Variants in SV2C observed in about 807,000 individuals in gnomAD.
The protein encoded by SV2C is solute carrier family 22 member B3.
A neutral mutation model predicts 79.7 loss-of-function variants in SV2C; 49 were observed. That is an observed-to-expected ratio of 0.61 (90% CI 0.49 to 0.78). The LOEUF is 0.78. Among genes scored for constraint, SV2C ranks in the 30% least tolerant of loss-of-function variants. The pLI is 0.00. For synonymous variants in SV2C, 334 were observed against 333.2 expected (o/e 1.00, Z -0.03); for missense variants, 833 against 912.9 (o/e 0.91, Z 1.13).
chr5:76,021,562 T>G, the SV2C span, among the ~76,000 whole-genome samples: 1 of 152,174 alleles, frequency 6.6e-6, no homozygotes, highest in African/African-American at 2.4e-5. Context: ...TCACTCATAG[T>G]AAGGGCCAAA....
In SV2C at chr5:76,145,233, A is replaced by G. The variant is rs559222211; in HGVS notation, c.580+12903A>G. On this transcript the variant is annotated intron_variant, in intron 2 of 12. Transcript: ENST00000502798. ...TACTTTGTGAGGTTAGGGAGGTAAGATGTTAAAGTCAGATGCTGCTCTACT... is the reference window on the plus strand; with the variant it reads ...TACTTTGTGAGGTTAGGGAGGTAAGGTGTTAAAGTCAGATGCTGCTCTACT... Among the ~76,000 whole-genome samples the G allele has an allele frequency of 1.7e-4, 26 of 152,336 alleles. No homozygotes were observed. The South Asian group carries it at 5.2e-3, about 30-fold the overall frequency.
At chr5:76,347,124 G>GCAGCA (rs57651775) in intron 12 of SV2C, among the ~76,000 whole-genome samples, 79,163 of 151,724 alleles carry the variant, frequency 0.52, 22,707 homozygotes, top group African/African-American at 0.76. Context: ...GAGCTGTGAT[G>GCAGCA]GAGGCCTCAG....
chr5:76,294,199 G>GA (rs1747660575), intron 8 of SV2C, among the ~76,000 whole-genome samples: 1 of 151,958 alleles, frequency 6.6e-6, no homozygotes, highest in African/African-American at 2.4e-5. Context: ...GTGAACCACA[G>GA]ATGTCATTTC....
chr5:76,080,198 A>G (rs993778193), upstream of SV2C, among the ~76,000 whole-genome samples: 3 of 152,162 alleles, frequency 2.0e-5, no homozygotes, highest in Non-Finnish European at 4.4e-5. Flanking sequence ...GGTGCTTATA[A>G]GACAGAGTTT....
chr5:76,129,851 C>G (rs1405689320), intron 1 of SV2C, among the ~76,000 whole-genome samples: 1 of 152,076 alleles, frequency 6.6e-6, no homozygotes, highest in African/African-American at 2.4e-5. Context: ...ATTTCTGGAG[C>G]TGATTATGTA....
At chr5:75,898,404 C>T in the SV2C span, among the ~76,000 whole-genome samples, 1 of 152,152 alleles carries the variant, frequency 6.6e-6, no homozygotes, top group Non-Finnish European at 1.5e-5. Flanking sequence ...AGCCTTGCAT[C>T]CCAGAGATGA....
At chr5:75,933,290 A>G in the SV2C span, among the ~76,000 whole-genome samples, 2 of 152,164 alleles carry the variant, frequency 1.3e-5, no homozygotes, top group African/African-American at 2.4e-5. Context: ...ATTTGTGATT[A>G]TATATTCACT....
At chr5:76,071,541 A>G in the SV2C span, among the ~76,000 whole-genome samples, 2 of 152,098 alleles carry the variant, frequency 1.3e-5, no homozygotes, top group Non-Finnish European at 2.9e-5. Flanking sequence ...GAAAGGGAAA[A>G]CCAATTAGAC....
the SV2C span, chr5:76,075,719 G>A: frequency 5.6e-6 from 2 of 357,864 alleles, no homozygotes; most frequent in Non-Finnish European, 1.2e-5. Flanking sequence ...AGAAAGAAGG[G>A]CACAAACTTC....
chr5:75,887,340 C>G, the SV2C span, among the ~76,000 whole-genome samples: 1 of 151,830 alleles, frequency 6.6e-6, no homozygotes, highest in Non-Finnish European at 1.5e-5. Flanking sequence ...GATTTTGAAC[C>G]CTTTGACTAA....
At chr5:76,307,973 G>T (rs990332426) in intron 12 of SV2C, among the ~76,000 whole-genome samples, 2 of 152,120 alleles carry the variant, frequency 1.3e-5, no homozygotes, top group African/African-American at 2.4e-5. Context: ...TATTATGGCT[G>T]CTTTAAAATA....
In SV2C at chr5:76,166,811, C is replaced by T. The variant is rs551606245; in HGVS notation, c.581-28108C>T. On this transcript the variant is annotated intron_variant, in intron 2 of 12. Coordinates refer to ENST00000502798, the MANE Select transcript of SV2C (RefSeq NM_014979.4). ...ACCTCATTCAATGTCACAGACCAAGCTTTCAACAGCAGAGATGTTTTTCCA... is the reference window on the plus strand; with the variant it reads ...ACCTCATTCAATGTCACAGACCAAGTTTTCAACAGCAGAGATGTTTTTCCA... Among the ~76,000 whole-genome samples, 3 of 152,342 alleles carry T rather than the reference C, an allele frequency of 2.0e-5. No individual in the cohort carries two copies. The South Asian group carries it at 6.2e-4, about 32-fold the overall frequency.
the SV2C span, among the ~76,000 whole-genome samples, chr5:75,935,884 C>T: frequency 2.0e-5 from 3 of 151,952 alleles, no homozygotes; most frequent in African/African-American, 7.3e-5. Context: ...ACTGACTATC[C>T]ACACATAAGT....
chr5:76,190,229 G>A (rs1463328021), intron 2 of SV2C, among the ~76,000 whole-genome samples: 3 of 152,210 alleles, frequency 2.0e-5, no homozygotes, highest in Non-Finnish European at 4.4e-5. Flanking sequence ...AACAGGTCTA[G>A]GGACCACTGC....
At chr5:75,871,843 A>G in the SV2C span, among the ~76,000 whole-genome samples, 3 of 113,790 alleles carry the variant, frequency 2.6e-5, no homozygotes, top group Non-Finnish European at 5.3e-5. Flanking sequence ...ATACACACAC[A>G]CACACACACA....
the SV2C span, among the ~76,000 whole-genome samples, chr5:76,015,904 G>T: frequency 2.0e-5 from 3 of 151,950 alleles, no homozygotes; most frequent in East Asian, 5.8e-4. Flanking sequence ...TCCTTTTGAA[G>T]GTTGTTTTAT....
intron 1 of SV2C, among the ~76,000 whole-genome samples, chr5:76,109,600 T>C (rs777467469): frequency 1.3e-5 from 2 of 152,110 alleles, no homozygotes; most frequent in Non-Finnish European, 2.9e-5. Flanking sequence ...GTTAAGGTCA[T>C]TGGGGTGGGC....
intron 4 of SV2C, among the ~76,000 whole-genome samples, chr5:76,228,882 A>G (rs1745331343): frequency 6.6e-6 from 1 of 152,184 alleles, no homozygotes; most frequent in South Asian, 2.1e-4. Context: ...TGGAGGAGCT[A>G]GGATTCAGGG....
At chr5:76,234,821 T>G (rs1292076498) in intron 4 of SV2C, among the ~76,000 whole-genome samples, 1 of 152,188 alleles carries the variant, frequency 6.6e-6, no homozygotes. Context: ...CTGTGCTTAC[T>G]TGATTTATAA....
Sources: gnomAD v4.1 joint callset for allele counts (sites outside exome capture counted in the v4.1 genomes callset) on GRCh38, gnomAD v4.1.1 for gene constraint, MANE v1.5 for transcripts, NCBI Gene and HGNC (gene_info 2026-07-23, HGNC 2026-07-21) for gene names.